The following PEAK1 variants were observed in gnomAD, a reference collection of about 807,000 sequenced individuals.
PEAK1 encodes the protein inactive tyrosine-protein kinase PEAK1.
PEAK1 carries 54 observed loss-of-function variants against 124.7 expected under a neutral mutation model. The ratio of observed to expected loss-of-function variants is 0.43; its 90% CI spans 0.35 to 0.54. The LOEUF is 0.54. PEAK1 is among the 20% of genes least tolerant of loss of function. PEAK1 has a pLI of 0.01. For missense variants in PEAK1, 2,046 were observed against 2,134.5 expected, an observed-to-expected ratio of 0.96 and a Z score of 0.82; for synonymous variants, 719 against 760.0, an observed-to-expected ratio of 0.95 and a Z score of 0.89.
chr15:77,253,660 G>T (rs2060988857), intron 5 of PEAK1, among the ~76,000 whole-genome samples: 1 of 151,902 alleles, frequency 6.6e-6, no homozygotes, highest in Non-Finnish European at 1.5e-5. Context: ...TGACCTAAAG[G>T]TTTTGTTTTT....
chr15:77,205,245 A>ATT (rs34117093), intron 6 of PEAK1: 391 of 154,150 alleles, frequency 2.5e-3, no homozygotes, highest in Middle Eastern at 8.8e-3. Context: ...ATCTCATCCC[A>ATT]TTTTTTTTTT....
chr15:77,250,233 G>GTATATATATACATATATATACATA (rs1324080099), intron 6 of PEAK1, among the ~76,000 whole-genome samples: 2 of 102,982 alleles, frequency 1.9e-5, no homozygotes, highest in African/African-American at 8.0e-5. Flanking sequence ...ACATATATAT[G>GTATATATATACATATATATACATA]TATATGTATA....
chr15:77,173,568 C>T (rs79953366), intron 7 of PEAK1, among the ~76,000 whole-genome samples: 5,061 of 152,248 alleles, frequency 0.033, 279 homozygotes, highest in African/African-American at 0.11. Flanking sequence ...CTCTTCCTGT[C>T]TAACTGGAAC....
intron 2 of PEAK1, chr15:77,334,116 G>A (rs1182627705): frequency 1.1e-5 from 10 of 889,358 alleles, no homozygotes; most frequent in Middle Eastern, 5.7e-4. Flanking sequence ...TTGTTTTATC[G>A]TTTCTAAATA....
chr15:77,302,204 T>C (rs547009183), intron 2 of PEAK1, among the ~76,000 whole-genome samples: 1 of 152,324 alleles, frequency 6.6e-6, no homozygotes, highest in East Asian at 1.9e-4. Flanking sequence ...ATCTGAGGAC[T>C]AGGTATGATA....
At chr15:77,150,285 G>A (rs1245639621) in intron 8 of PEAK1, among the ~76,000 whole-genome samples, 1 of 152,054 alleles carries the variant, frequency 6.6e-6, no homozygotes, top group East Asian at 1.9e-4. Flanking sequence ...GGCTAAGATC[G>A]ACTCGATTCC....
At chr15:77,252,315 G>T in intron 6 of PEAK1, 52 bp downstream of exon 6, 1 of 918,944 alleles carries the variant, frequency 1.1e-6, no homozygotes, top group Non-Finnish European at 1.3e-6. Context: ...ATTCTTTCCA[G>T]TCATCTAAAA....
At chr15:77,338,188 G>T in intron 2 of PEAK1, 1 of 810,060 alleles carries the variant, frequency 1.2e-6, no homozygotes, top group Non-Finnish European at 1.5e-6. Flanking sequence ...TCTAAAGACT[G>T]CAATCCTGTA....
At chr15:77,392,324 G>C (rs952179335) in intron 1 of PEAK1, among the ~76,000 whole-genome samples, 1 of 152,182 alleles carries the variant, frequency 6.6e-6, no homozygotes, top group Non-Finnish European at 1.5e-5. Context: ...TCATAACTTA[G>C]ATAATGATAA....
In PEAK1 at chr15:77,111,409, T is replaced by C. The variant is rs2050968234; in HGVS notation, c.*2747A>G. On this transcript the variant is annotated 3_prime_UTR_variant, in exon 10 of 10. Transcript: ENST00000682557. The stretch of plus-strand genomic sequence containing the variant: ...ACCAACTCATGTAGTACTTTTTGCC[T>C]AGAAATATAGTTTCTTTCTCTATTC... 1 of 152,234 alleles carries C rather than the reference T, an allele frequency of 6.6e-6. No homozygotes were observed. Among genetic ancestry groups the C allele is most frequent in the Non-Finnish European group, 1.5e-5 (1 of 68,046 alleles). 9.4% of individuals were successfully genotyped at this position (152,234 alleles called of 1,614,324 possible).
intron 6 of PEAK1, among the ~76,000 whole-genome samples, chr15:77,201,765 T>A (rs2058374909): frequency 6.6e-5 from 10 of 152,194 alleles, no homozygotes; most frequent in Admixed American, 6.5e-4. Flanking sequence ...TGGGAAAAGC[T>A]AATTCAGAGT....
chr15:77,290,937 GGTCT>G (rs2063180351), intron 2 of PEAK1, among the ~76,000 whole-genome samples: 1 of 152,100 alleles, frequency 6.6e-6, no homozygotes, highest in Non-Finnish European at 1.5e-5. Flanking sequence ...TCTAAATGTA[GGTCT>G]GTATCATTTT....
chr15:77,180,078 C>A lies in PEAK1; in HGVS notation c.1849G>T (p.Ala617Ser). 6.2e-7 allele frequency: 1 copy of A among 1,614,022 alleles called. No homozygotes were observed. The change falls in exon 7 of 10, where the codon GCT becomes TCT. Residue 617 changes from alanine (A) to serine (S), a missense_variant. Coordinates refer to ENST00000682557, the MANE Select transcript of PEAK1 (RefSeq NM_001385026.1). ...PIIIHDEPTY[A>S]RSSKNAIKVP... ...TTGATAGCATTTTTGGAACTCCGAGCATAAGTTGGCTCGTCATGAATGATA... is the reference window on the plus strand; with the variant it reads ...TTGATAGCATTTTTGGAACTCCGAGAATAAGTTGGCTCGTCATGAATGATA...
chr15:77,137,100 CAG>C (rs2053399937), intron 8 of PEAK1, among the ~76,000 whole-genome samples: 1 of 152,238 alleles, frequency 6.6e-6, no homozygotes, highest in African/African-American at 2.4e-5. Flanking sequence ...TGTGAGTGCA[CAG>C]AGGTCAAGAA....
chr15:77,204,413 C>T (rs147507805), intron 6 of PEAK1, among the ~76,000 whole-genome samples: 59 of 152,300 alleles, frequency 3.9e-4, no homozygotes, highest in African/African-American at 1.3e-3. Context: ...CCCAAAAGAG[C>T]TGAAAACTTA....
chr15:77,270,054 G>A (rs142438340), intron 5 of PEAK1, among the ~76,000 whole-genome samples: 4 of 152,242 alleles, frequency 2.6e-5, no homozygotes, highest in African/African-American at 9.6e-5. Context: ...TATAATTTCT[G>A]TTCTTTTGAG....
intron 2 of PEAK1, among the ~76,000 whole-genome samples, chr15:77,293,647 G>A (rs1352234250): frequency 6.6e-6 from 1 of 152,054 alleles, no homozygotes; most frequent in Admixed American, 6.6e-5. Context: ...TTACTTAAAC[G>A]TAGTTATAAT....
chr15:77,417,097 C>T (rs2072940249), intron 1 of PEAK1, among the ~76,000 whole-genome samples: 2 of 151,964 alleles, frequency 1.3e-5, no homozygotes, highest in African/African-American at 4.8e-5. Context: ...CACCCTCCAC[C>T]CATCCCCCGA....
At chr15:77,418,721 T>A in intron 1 of PEAK1, 14 of 985,430 alleles carry the variant, frequency 1.4e-5, no homozygotes, top group Non-Finnish European at 1.7e-5. Flanking sequence ...AGATTGCTCA[T>A]GGAAAGTTTT....
Sources: gnomAD v4.1 joint callset for allele counts (sites outside exome capture counted in the v4.1 genomes callset) on GRCh38, gnomAD v4.1.1 for gene constraint, MANE v1.5 for transcripts, NCBI Gene and HGNC (gene_info 2026-07-23, HGNC 2026-07-21) for gene names.